Variants in DNAH6 observed in about 807,000 individuals in gnomAD.
DNAH6 encodes axonemal beta dynein heavy chain 6.
In DNAH6, 340 loss-of-function variants were observed where a neutral mutation model predicts 491.4. The observed-to-expected ratio is 0.69, with a 90% CI of 0.63 to 0.76. The LOEUF (loss-of-function observed/expected upper bound fraction) is 0.76, where lower values mean the gene tolerates loss of function less well. Ranked by LOEUF, DNAH6 falls within the 30% of genes least tolerant of loss-of-function variation. The pLI is 0.00. For missense variants in DNAH6, 4,443 were observed against 4,972.2 expected (o/e 0.89, Z 3.20); for synonymous variants, 1,603 against 1,686.1 (o/e 0.95, Z 1.21).
At chr2:84,684,349 C>T (rs912972844) in intron 42 of DNAH6, among the ~76,000 whole-genome samples, 1 of 152,118 alleles carries the variant, frequency 6.6e-6, no homozygotes, top group African/African-American at 2.4e-5. Flanking sequence ...AATTTTTGAG[C>T]TTCAAAATTC....
chr2:84,802,828 A>G (rs1267930886), intron 70 of DNAH6, among the ~76,000 whole-genome samples: 2 of 152,202 alleles, frequency 1.3e-5, no homozygotes, highest in East Asian at 3.8e-4. Context: ...AAGTCTCAAC[A>G]AATTTAAAAA....
chr2:84,701,795 C>G (rs1695924670), intron 49 of DNAH6, among the ~76,000 whole-genome samples: 1 of 152,164 alleles, frequency 6.6e-6, no homozygotes, highest in Non-Finnish European at 1.5e-5. Context: ...GGCCCCACCT[C>G]CAGCATTGAA....
intron 16 of DNAH6, 49 bp from the exon 17 acceptor site, chr2:84,593,923 A>C (rs1361276769): frequency 8.8e-7 from 1 of 1,132,380 alleles, no homozygotes; most frequent in Admixed American, 2.1e-5. Context: ...GCATATGCTC[A>C]TTATATCTGA....
At chr2:84,743,288 TA>T (rs948651343) in intron 62 of DNAH6, among the ~76,000 whole-genome samples, 7 of 152,180 alleles carry the variant, frequency 4.6e-5, no homozygotes, top group African/African-American at 1.4e-4. Flanking sequence ...TGCAACAATT[TA>T]AAAAAACTTT....
rs543491594 is a variant in DNAH6, at chr2:84,722,860, T to C, written c.9972+56T>C. On this transcript the variant is annotated intron_variant, in intron 60 of 76. Coordinates refer to ENST00000389394, the MANE Select transcript of DNAH6 (RefSeq NM_001370.2). The stretch of plus-strand genomic sequence containing the variant: ...ATCTCTTTGGCCTCCATTACACCTG[T>C]TGAATTACTTCTTGCTTCACATAAG... The C allele has an allele frequency of 1.5e-5, 16 of 1,038,968 alleles. No individual in the cohort carries two copies. In the East Asian group the frequency reaches 3.0e-4, roughly 19 times the overall value. 64.4% of individuals were successfully genotyped at this position (1,038,968 alleles called of 1,614,324 possible). A position where few individuals can be genotyped will look rare whatever the true frequency, so the allele number is the denominator to read the frequency against.
chr2:84,568,307 C>T (rs1299183408), intron 11 of DNAH6, among the ~76,000 whole-genome samples: 1 of 152,050 alleles, frequency 6.6e-6, no homozygotes, highest in Admixed American at 6.6e-5. Context: ...ATCACAAAGA[C>T]ATGGAATCAA....
At chr2:84,767,905 T>A (rs1675241575) in intron 64 of DNAH6, among the ~76,000 whole-genome samples, 1 of 152,136 alleles carries the variant, frequency 6.6e-6, no homozygotes, top group African/African-American at 2.4e-5. Context: ...TAAAAACAGA[T>A]TAATTTCAAA....
chr2:84,741,007 A>G (rs1456521603), intron 62 of DNAH6, among the ~76,000 whole-genome samples: 1 of 152,174 alleles, frequency 6.6e-6, no homozygotes, highest in Non-Finnish European at 1.5e-5. Flanking sequence ...CTAACCTCTC[A>G]AAATGGTGTC....
At chr2:84,547,637 A>G (rs762684833) in intron 7 of DNAH6, 25 bp downstream of exon 7, 33 of 1,540,084 alleles carry the variant, frequency 2.1e-5, no homozygotes, top group Non-Finnish European at 2.5e-5. Context: ...GAACCTCAAT[A>G]TATCAGAAGT....
the DNAH6 span, among the ~76,000 whole-genome samples, chr2:84,485,617 C>T: frequency 3.3e-5 from 5 of 152,180 alleles, no homozygotes; most frequent in East Asian, 3.9e-4. Flanking sequence ...CTGCTGTAAA[C>T]ATCCTTTCTG....
At chr2:84,583,502 C>T (rs1016258752) in intron 14 of DNAH6, among the ~76,000 whole-genome samples, 7 of 152,236 alleles carry the variant, frequency 4.6e-5, no homozygotes, top group South Asian at 2.1e-4. Flanking sequence ...CCAATTTGAC[C>T]GTAACATTAT....
intron 76 of DNAH6, among the ~76,000 whole-genome samples, chr2:84,817,688 G>A (rs7577103): frequency 0.017 from 2,518 of 152,260 alleles, 66 homozygotes; most frequent in African/African-American, 0.058. Flanking sequence ...TTAAAGAAAA[G>A]TTTATTTGGC....
the DNAH6 span, among the ~76,000 whole-genome samples, chr2:84,468,443 GT>G: frequency 6.6e-6 from 1 of 152,152 alleles, no homozygotes. Context: ...TTGAATATCT[GT>G]TTTTAACTAA....
chr2:84,796,247 G>A (rs1678332803), intron 68 of DNAH6, 59 bp from the exon 69 acceptor site: 8 of 1,123,146 alleles, frequency 7.1e-6, no homozygotes, highest in Non-Finnish European at 9.8e-6. Context: ...TTTAAAATTA[G>A]GTATGCCTAT....
the DNAH6 span, among the ~76,000 whole-genome samples, chr2:84,469,969 G>A: frequency 3.9e-5 from 6 of 152,102 alleles, no homozygotes; most frequent in South Asian, 1.0e-3. This position sits in a 1 kb window ranked among gnomAD's most constrained non-coding sequence, Gnocchi z 4.0. Context: ...CTTTTATGAA[G>A]AGGGGCCTCT....
intron 3 of DNAH6, among the ~76,000 whole-genome samples, chr2:84,526,566 G>T (rs1676623820): frequency 1.3e-5 from 2 of 152,134 alleles, no homozygotes; most frequent in South Asian, 4.1e-4. Context: ...GCCAGTCAGT[G>T]AATAAAAAGC....
In DNAH6 at chr2:84,699,698, C is replaced by T. The variant is rs1695710856; in HGVS notation, c.7782C>T (p.Ser2594=). Residue 2594 remains serine (S), a synonymous_variant, in exon 48 of 77, where the codon TCC becomes TCT. Coordinates refer to ENST00000389394, the MANE Select transcript of DNAH6 (RefSeq NM_001370.2). ...AFRSRCRMFP[S]LVNCCTIDWF... is the part of the protein sequence containing the mutation. ...GGTCCCGATGCAGGATGTTTCCATC[C>T]CTTGTGAATTGCTGCACCATTGACT... is the stretch of plus-strand genomic sequence containing the variant. The T allele has an allele frequency of 6.4e-7, 1 of 1,551,668 alleles. No homozygotes were observed. The highest frequency in any genetic ancestry group is 1.7e-4 in the Middle Eastern group (1 of 5,992).
Position 84,548,388 on chromosome 2 carries a change from C to A in DNAH6, c.1287C>A (p.Ser429Arg). The A allele has an allele frequency of 6.2e-7, 1 of 1,613,834 alleles. No homozygotes were observed. Among genetic ancestry groups the A allele is most frequent in the African/African-American group, 1.3e-5 (1 of 74,980 alleles). ...AAATGACATATACAGAACAGGCCAG[C>A]AAAAGGCATTATTGCATGAGGCTGA... ...SEKMTYTEQA[S>R]KRHYCMRLTC... Residue 429 changes from serine to arginine, a missense_variant, in exon 8 of 77, where the codon AGC becomes AGA. Ser to Arg is a moderately radical substitution (Grantham distance 110). This residue lies in a region of DNAH6 where 2,977 missense variants were observed against 3,296.6 expected (regional missense o/e 0.90). Transcript: ENST00000389394.
chr2:84,468,384 G>C, the DNAH6 span, among the ~76,000 whole-genome samples: 1 of 152,220 alleles, frequency 6.6e-6, no homozygotes, highest in Non-Finnish European at 1.5e-5. Context: ...GGCCAGGAAA[G>C]GGTCTGTGGT....
Sources: gnomAD v4.1 joint callset for allele counts (sites outside exome capture counted in the v4.1 genomes callset) on GRCh38, gnomAD v4.1.1 for gene constraint, gnomAD v4.1.1 regional missense constraint, Gnocchi (gnomAD v3.1) non-coding constraint, MANE v1.5 for transcripts, NCBI Gene and HGNC (gene_info 2026-07-23, HGNC 2026-07-21) for gene names.